Variants in WBP1 observed in about 807,000 individuals in gnomAD.
The protein encoded by WBP1 is WW domain binding protein 1.
A neutral mutation model predicts 25.6 loss-of-function variants in WBP1; 18 were observed. The ratio of observed to expected loss-of-function variants is 0.70; its 90% CI spans 0.49 to 1.04. The LOEUF is 1.04. WBP1 is among the 50% of genes least tolerant of loss of function. WBP1 has a pLI of 0.00. For missense variants in WBP1, 330 were observed against 352.9 expected (o/e 0.94, Z 0.52); for synonymous variants, 122 against 137.7 (o/e 0.89, Z 0.80).
Position 74,458,472 on chromosome 2 carries a change from G to T in WBP1, c.-131G>T. 6.9e-7 allele frequency: 1 copy of T among 1,457,388 alleles called. No homozygotes were observed. The highest frequency in any genetic ancestry group is 1.4e-5 in the South Asian group (1 of 71,010). 90.3% of individuals were successfully genotyped at this position (1,457,388 alleles called of 1,614,324 possible). A position where few individuals can be genotyped will look rare whatever the true frequency, so the allele number is the denominator to read the frequency against. ...GGAGTTCTGCCCGGATGGAAGCTCC[G>T]GCCGCGGAGTGATGGTGGCCTCAGC... On this transcript the variant is annotated 5_prime_UTR_variant, in exon 1 of 4. Transcript: ENST00000233615.
intron 1 of WBP1, chr2:74,459,336 AG>A: frequency 2.1e-5 from 4 of 189,098 alleles, no homozygotes; most frequent in African/African-American, 5.5e-5. Context: ...GGATGGGGGT[AG>A]GGGGGTTGGG....
chr2:74,460,599 A>G lies in WBP1; in HGVS notation c.728A>G (p.Tyr243Cys). The G allele has an allele frequency of 6.2e-7, 1 of 1,612,512 alleles. No homozygotes were observed. Among genetic ancestry groups the G allele is most frequent in the Non-Finnish European group, 8.5e-7 (1 of 1,179,364 alleles). The change falls in exon 4 of 4, where the codon TAC (tyrosine) becomes TGC (cysteine). Residue 243 changes from tyrosine (Y) to cysteine (C), a missense_variant. Coordinates refer to ENST00000233615, the MANE Select transcript of WBP1 (RefSeq NM_012477.4). ...GCCACCCTGCCAGATCTGGAGGACTACTCCCCGTGTGCACTACCCCCAGAG... is the reference window on the plus strand; with the variant it reads ...GCCACCCTGCCAGATCTGGAGGACTGCTCCCCGTGTGCACTACCCCCAGAG... Reference protein sequence around the residue: ...VSATLPDLEDYSPCALPPESV... With the variant: ...VSATLPDLEDCSPCALPPESV...
chr2:74,460,012 G>C lies in WBP1; in HGVS notation c.312G>C (p.Gly104=), dbSNP rs918304759. 3 of 1,614,086 alleles carry C rather than the reference G, an allele frequency of 1.9e-6. No homozygotes were observed. Among genetic ancestry groups the C allele is most frequent in the Non-Finnish European group, 2.5e-6 (3 of 1,179,970 alleles). The part of the protein sequence containing the change: ...NLLAYHGACH[G]AGPFPTGSLL... Reference sequence around the variant, plus strand: ...TGGCCTATCATGGGGCATGCCATGGGGCTGGTCCTTTCCCTACCGGTTCAC... The same window carrying C: ...TGGCCTATCATGGGGCATGCCATGGCGCTGGTCCTTTCCCTACCGGTTCAC... The change falls in exon 3 of 4, where the codon GGG becomes GGC. Residue 104 remains glycine, a synonymous_variant. Coordinates refer to ENST00000233615, the MANE Select transcript of WBP1 (RefSeq NM_012477.4).
Position 74,458,745 on chromosome 2 carries a change from G to A in WBP1, c.69+74G>A. 2.6e-6 allele frequency: 4 copies of A among 1,526,234 alleles called. No homozygotes were observed. In the South Asian group the frequency reaches 4.9e-5, roughly 19 times the overall value. The allele number at this position is 1,526,234 out of a possible 1,614,324, so 94.5% of individuals were successfully genotyped here. ...CCCTTTCCTTGTCCCTTCCTTTTGG[G>A]GGTGGGGGAGGAACTCACGGAGCCA... On this transcript the variant is annotated intron_variant, in intron 1 of 3. Transcript: ENST00000233615.
intron 1 of WBP1, 91 bp from the exon 2 acceptor site, chr2:74,459,552 G>A: frequency 1.7e-6 from 2 of 1,210,980 alleles, no homozygotes; most frequent in Non-Finnish European, 2.4e-6. Context: ...TGGTTCACAG[G>A]GTGGGATTGT....
chr2:74,458,557 T>C lies in WBP1; in HGVS notation c.-46T>C, dbSNP rs1671784553. 2.0e-6 allele frequency: 3 copies of C among 1,526,620 alleles called. No individual in the cohort carries two copies. The highest frequency in any genetic ancestry group is 2.7e-6 in the Non-Finnish European group (3 of 1,130,824). The allele number at this position is 1,526,620 out of a possible 1,614,324, so 94.6% of individuals were successfully genotyped here. The stretch of plus-strand genomic sequence containing the variant: ...GCAGAGGTGGCAGGGGCGGGGCGGC[T>C]GGCGGTAGAGGAGGCTGTGGTCCTC... On this transcript the variant is annotated 5_prime_UTR_variant, in exon 1 of 4. Transcript: ENST00000233615.
At chr2:74,460,111 C>T (rs1200180169) in intron 3 of WBP1, 62 bp downstream of exon 3, 7 of 1,591,110 alleles carry the variant, frequency 4.4e-6, no homozygotes, top group South Asian at 1.1e-5. Context: ...AACCCCAAAT[C>T]GTCTCACATT....
chr2:74,459,685 T>C lies in WBP1; in HGVS notation c.112T>C (p.Cys38Arg). ...CPGVNNQPYL[C>R]ESGHCCGETG... ...AGGAGTGAACAACCAGCCCTACCTC[T>C]GTGAGAGTGGTCACTGCTGCGGGGA... Residue 38 changes from cysteine to arginine, a missense_variant, in exon 2 of 4, where the codon TGT (cysteine) becomes CGT (arginine). Physicochemically the swap from Cys to Arg is radical, Grantham distance 180. Transcript: ENST00000233615. The C allele has an allele frequency of 6.2e-7, 1 of 1,614,168 alleles. No homozygotes were observed. The highest frequency in any genetic ancestry group is 8.5e-7 in the Non-Finnish European group (1 of 1,180,036).
chr2:74,459,001 C>G (rs1415438980), intron 1 of WBP1: 2 of 1,550,428 alleles, frequency 1.3e-6, no homozygotes, highest in East Asian at 4.9e-5. Context: ...CAACAGAGTC[C>G]GGCAGCGTCT....
chr2:74,458,728 T>C lies in WBP1; in HGVS notation c.69+57T>C, dbSNP rs1380820448. The C allele has an allele frequency of 3.9e-6, 6 of 1,538,604 alleles. No homozygotes were observed. In the Admixed American group the frequency reaches 6.0e-5, roughly 15 times the overall value. On this transcript the variant is annotated intron_variant, in intron 1 of 3. Transcript: ENST00000233615. ...AGCCATTTGTCTCTTTCCCCTTTCC[T>C]TGTCCCTTCCTTTTGGGGGTGGGGG... is the stretch of plus-strand genomic sequence containing the variant.
At chr2:74,460,132 C>T in intron 3 of WBP1, 83 bp downstream of exon 3, 1 of 1,516,160 alleles carries the variant, frequency 6.6e-7, no homozygotes, top group Non-Finnish European at 8.8e-7. Context: ...CCCTTTTCCA[C>T]ACATTTCAAA....
At chr2:74,459,249 C>G (rs1671814837) in intron 1 of WBP1, 4 of 1,025,720 alleles carry the variant, frequency 3.9e-6, no homozygotes, top group South Asian at 3.3e-5. Flanking sequence ...TACCGCTACC[C>G]GTTGTCTGAG....
At chr2:74,459,008 G>T (rs1230095221) in intron 1 of WBP1, 7 of 1,550,566 alleles carry the variant, frequency 4.5e-6, no homozygotes, top group Non-Finnish European at 6.1e-6. Context: ...GTCCGGCAGC[G>T]TCTTCTCTTG....
At position 74,459,762 on chromosome 2, in the gene WBP1, G is replaced by C; in HGVS notation, c.172+17G>C. 6.2e-7 allele frequency: 1 copy of C among 1,614,100 alleles called. No individual in the cohort carries two copies. The highest frequency in any genetic ancestry group is 1.3e-5 in the African/African-American group (1 of 75,068). On this transcript the variant is annotated intron_variant, in intron 2 of 3. Coordinates refer to ENST00000233615, the MANE Select transcript of WBP1 (RefSeq NM_012477.4). Reference sequence around the variant, plus strand: ...AGCTCTGGTGTAAGTCTCCAAGAGGGCTATTTCCAGGTCCCTGTGTCCACC... The same window carrying C: ...AGCTCTGGTGTAAGTCTCCAAGAGGCCTATTTCCAGGTCCCTGTGTCCACC...
intron 1 of WBP1, chr2:74,459,421 T>A (rs1671822012): frequency 1.6e-6 from 1 of 630,148 alleles, no homozygotes; most frequent in African/African-American, 1.8e-5. Flanking sequence ...TGTCCACACT[T>A]TTGTCTTGTT....
rs571181769 is a variant in WBP1, at chr2:74,459,893, G to C, written c.193G>C (p.Val65Leu). The C allele has an allele frequency of 6.2e-7, 1 of 1,614,168 alleles. No individual in the cohort carries two copies. The highest frequency in any genetic ancestry group is 1.7e-5 in the Admixed American group (1 of 60,026). Reference sequence around the variant, plus strand: ...TGCAGGGTTCTGGCTGCTCTGGACTGTCCTCATCCTCTTTAGCTGCTGTTG... The same window carrying C: ...TGCAGGGTTCTGGCTGCTCTGGACTCTCCTCATCCTCTTTAGCTGCTGTTG... ...ELWWFWLLWT[V>L]LILFSCCCAF... is the part of the protein sequence containing the mutation. The change falls in exon 3 of 4, where the codon GTC (valine) becomes CTC (leucine). Residue 65 changes from valine (V) to leucine (L), a missense_variant. Val to Leu is a conservative substitution (Grantham distance 32, BLOSUM62 1). Transcript: ENST00000233615.
Position 74,460,386 on chromosome 2 carries a change from A to G in WBP1, c.515A>G (p.Asn172Ser). Reference sequence around the variant, plus strand: ...TGCCCTGCCCACTTTGAAGGAACAAATGTGGAAGGTGTTTCCTCCCACCAG... The same window carrying G: ...TGCCCTGCCCACTTTGAAGGAACAAGTGTGGAAGGTGTTTCCTCCCACCAG... ...SSCPAHFEGT[N>S]VEGVSSHQSA... The change falls in exon 4 of 4, where the codon AAT becomes AGT. Residue 172 changes from asparagine (N) to serine (S), a missense_variant. Physicochemically the swap from Asn to Ser is conservative, Grantham distance 46. Coordinates refer to ENST00000233615, the MANE Select transcript of WBP1 (RefSeq NM_012477.4). The G allele has an allele frequency of 3.1e-6, 5 of 1,614,030 alleles. No homozygotes were observed. The highest frequency in any genetic ancestry group is 4.2e-6 in the Non-Finnish European group (5 of 1,180,004).
intron 2 of WBP1, 47 bp downstream of exon 2, chr2:74,459,792 C>G (rs771143913): frequency 2.5e-6 from 4 of 1,613,578 alleles, no homozygotes; most frequent in Admixed American, 3.3e-5. Flanking sequence ...TCCACCCTCC[C>G]TTGGACCTCA....
At chr2:74,459,219 A>C in intron 1 of WBP1, 1 of 1,395,820 alleles carries the variant, frequency 7.2e-7, no homozygotes, top group East Asian at 2.5e-5. Flanking sequence ...TAATGAAAGC[A>C]ACTTGCTTTG....
Sources: gnomAD v4.1 joint callset for allele counts on GRCh38, gnomAD v4.1.1 for gene constraint, MANE v1.5 for transcripts, NCBI Gene and HGNC (gene_info 2026-07-23, HGNC 2026-07-21) for gene names.